Variants in CUX1 observed in about 807,000 individuals in gnomAD.
The protein encoded by CUX1 is cut like homeobox 1.
In CUX1, 31 loss-of-function variants were observed where a neutral mutation model predicts 158.8. The ratio of observed to expected loss-of-function variants is 0.20; its 90% confidence interval spans 0.15 to 0.26. CUX1 has a LOEUF of 0.26. Ranked by LOEUF, CUX1 falls within the 10% of genes least tolerant of loss-of-function variation. The probability of loss-of-function intolerance (pLI) is 1.00; values close to 1 mark genes in which losing one functional copy is unlikely to be tolerated. For synonymous variants in CUX1, 879 were observed against 862.1 expected, an observed-to-expected ratio of 1.02 and a Z score of -0.34; for missense variants, 1,589 against 2,014.6, an observed-to-expected ratio of 0.79 and a Z score of 4.04.
intron 2 of CUX1, among the ~76,000 whole-genome samples, chr7:101,995,774 G>C (rs1815779244): frequency 1.3e-5 from 2 of 152,128 alleles, no homozygotes; most frequent in African/African-American, 4.8e-5. Context: ...TAGCAGAGTG[G>C]GAAGCAGCTT....
intron 18 of CUX1, 127 bp from the exon 19 acceptor site, chr7:102,204,264 C>G (rs1795731684): frequency 2.5e-6 from 3 of 1,202,378 alleles, no homozygotes; most frequent in African/African-American, 1.5e-5. Flanking sequence ...GCCACCAGGC[C>G]GTGGTTCTGT....
In CUX1 at chr7:102,050,063, T is replaced by G. The variant is rs1449937140; in HGVS notation, c.190-20276T>G. 3.3e-5 allele frequency among the ~76,000 whole-genome samples: 5 copies of G among 152,278 alleles called. No individual in the cohort carries two copies. The South Asian group carries it at 8.3e-4, about 25-fold the overall frequency. On this transcript the variant is annotated intron_variant, in intron 3 of 23. Coordinates refer to ENST00000292535, the MANE Select transcript of CUX1 (RefSeq NM_181552.4). ...CAGACTCCCGGGGTGTAGACACTGC[T>G]TCCCTTTTCACACCGTCTCCTGAAT...
intron 1 of CUX1, among the ~76,000 whole-genome samples, chr7:101,844,262 G>A (rs1381585426): frequency 3.8e-5 from 5 of 132,962 alleles, no homozygotes; most frequent in African/African-American, 1.4e-4. Context: ...CGTTGTCCAC[G>A]GGAATAAAGT....
intron 14 of CUX1, chr7:102,273,238 T>C (rs545810820): frequency 2.8e-5 from 36 of 1,291,260 alleles, no homozygotes; most frequent in Non-Finnish European, 3.5e-5. Context: ...TGGGAGGGAA[T>C]AGCCAGCACT....
Position 102,195,562 on chromosome 7 carries a change from C to T in CUX1, c.1181C>T (p.Ser394Phe). ...CTGGAGAAGAACCGCTCGCTGCAGT[C>T]CGAGAACGCCGCGCTGCGCATCTCC... is the stretch of plus-strand genomic sequence containing the variant. ...LLLEKNRSLQ[S>F]ENAALRISNS... The change falls in exon 14 of 24, where the codon TCC (serine) becomes TTC (phenylalanine). Residue 394 changes from serine to phenylalanine, a missense_variant. Transcript: ENST00000292535. 1 of 1,612,922 alleles carries T rather than the reference C, an allele frequency of 6.2e-7. No homozygotes were observed. The highest frequency in any genetic ancestry group is 1.1e-5 in the South Asian group (1 of 90,834).
chr7:102,157,501 C>A (rs929722130), intron 8 of CUX1, among the ~76,000 whole-genome samples: 11 of 152,136 alleles, frequency 7.2e-5, no homozygotes, highest in Non-Finnish European at 1.2e-4. Flanking sequence ...CTCTCCAGGC[C>A]GGGCGCGGTG....
At position 102,280,285 on chromosome 7, in the gene CUX1, G is replaced by T. The variant is rs527683829; in HGVS notation, c.1764+165G>T. Among the ~76,000 whole-genome samples, 12 of 152,136 alleles carry T rather than the reference G, an allele frequency of 7.9e-5. No individual in the cohort carries two copies. The South Asian group carries it at 2.5e-3, about 32-fold the overall frequency. On this transcript the variant is annotated intron_variant, in intron 19 of 22. Transcript: ENST00000292538. ...CGGCCAGCCTTGCCACGCCAGCCCTGCACACCCTGGCCCCTCAGGCCAGGA... is the reference window on the plus strand; with the variant it reads ...CGGCCAGCCTTGCCACGCCAGCCCTTCACACCCTGGCCCCTCAGGCCAGGA...
intron 2 of CUX1, among the ~76,000 whole-genome samples, chr7:101,941,069 A>G (rs1207620991): frequency 6.6e-6 from 1 of 152,232 alleles, no homozygotes; most frequent in Admixed American, 6.5e-5. Flanking sequence ...TCCTTGAGGC[A>G]GGTGGCTCTT....
At chr7:101,863,301 C>T (rs965033946) in intron 1 of CUX1, among the ~76,000 whole-genome samples, 3 of 151,600 alleles carry the variant, frequency 2.0e-5, no homozygotes, top group Non-Finnish European at 2.9e-5. Flanking sequence ...TCAAGAGTCC[C>T]GCTGGGACTG....
intron 3 of CUX1, among the ~76,000 whole-genome samples, chr7:102,066,350 C>G (rs1176344557): frequency 6.6e-6 from 1 of 152,164 alleles, no homozygotes; most frequent in Non-Finnish European, 1.5e-5. Context: ...ACCTTGATCA[C>G]CTGCAGAGAC....
rs1795757824 is a variant in CUX1 at position 102,204,527 on chromosome 7, T to C, written c.3044T>C (p.Leu1015Pro). The change falls in exon 19 of 24, where the codon CTA becomes CCA. Residue 1015 changes from leucine to proline, a missense_variant. Around this residue, in one of 8 missense-constraint regions of CUX1, gnomAD observed 259 missense variants for 373.8 expected, o/e 0.69. Coordinates refer to ENST00000292535, the MANE Select transcript of CUX1 (RefSeq NM_181552.4). ...AACGGCGAGCTAGGCCAGGGTGTTC[T>C]ACCCGTCCAGGGCCAGCAGCAAGGG... Reference protein sequence around the residue: ...WLNGELGQGVLPVQGQQQGPV... With the variant: ...WLNGELGQGVPPVQGQQQGPV... The C allele has an allele frequency of 1.7e-5, 27 of 1,613,564 alleles. No individual in the cohort carries two copies. The highest frequency in any genetic ancestry group is 2.3e-5 in the Non-Finnish European group (27 of 1,180,002).
chr7:102,054,437 T>C (rs1823896632), intron 3 of CUX1, among the ~76,000 whole-genome samples: 1 of 152,188 alleles, frequency 6.6e-6, no homozygotes, highest in Admixed American at 6.5e-5. Context: ...TGAATTGTCA[T>C]GTCACTCTTG....
Position 102,257,632 on chromosome 7 carries a change from C to G in CUX1, c.*8590C>G, listed in dbSNP as rs1466055093. On this transcript the variant is annotated 3_prime_UTR_variant, in exon 24 of 24. Coordinates refer to ENST00000292535, the MANE Select transcript of CUX1 (RefSeq NM_181552.4). ...AGAGCGGGTAGCACCACGCTCCTGT[C>G]CAGACTACTAACAGCACAAGACGCA... The G allele has an allele frequency of 5.1e-6, 5 of 985,414 alleles. No homozygotes were observed. The East Asian group carries it at 5.7e-4, about 112-fold the overall frequency. 61.0% of individuals were successfully genotyped at this position (985,414 alleles called of 1,614,324 possible).
intron 18 of CUX1, among the ~76,000 whole-genome samples, chr7:102,202,628 C>T (rs1224075754): frequency 1.3e-5 from 2 of 152,146 alleles, no homozygotes; most frequent in Non-Finnish European, 1.5e-5. Context: ...AAAAAAATCC[C>T]ATCTGATCAC....
At chr7:101,816,159 CG>C, upstream of CUX1, 1 of 903,176 alleles carries the variant, frequency 1.1e-6, no homozygotes, top group African/African-American at 1.9e-5. Context: ...CGGCCTCCGC[CG>C]GGGGCCCCGG....
chr7:101,871,587 A>T (rs1418829816), intron 1 of CUX1, among the ~76,000 whole-genome samples: 1 of 152,066 alleles, frequency 6.6e-6, no homozygotes, highest in Non-Finnish European at 1.5e-5. Flanking sequence ...ATTCCATGGG[A>T]GTGCAAGAGC....
chr7:102,128,417 G>C (rs1047300078), intron 8 of CUX1, among the ~76,000 whole-genome samples: 1 of 151,750 alleles, frequency 6.6e-6, no homozygotes, highest in Non-Finnish European at 1.5e-5. Flanking sequence ...CAGGCAGGAC[G>C]GAGGAGCTGG....
intron 8 of CUX1, among the ~76,000 whole-genome samples, chr7:102,129,029 G>T (rs1172447543): frequency 1.3e-5 from 2 of 151,954 alleles, no homozygotes; most frequent in Non-Finnish European, 2.9e-5. Flanking sequence ...CCTCTATAAA[G>T]GGTGGCTGAC....
At chr7:102,158,037 TCTC>T (rs1409454710) in intron 8 of CUX1, among the ~76,000 whole-genome samples, 8 of 152,092 alleles carry the variant, frequency 5.3e-5, no homozygotes, top group African/African-American at 1.7e-4. Context: ...TTGGCCACCT[TCTC>T]CTGGTTTCCT....
Sources: allele counts gnomAD v4.1 joint callset (sites outside exome capture counted in the v4.1 genomes callset), GRCh38; gene constraint gnomAD v4.1.1; regional missense constraint gnomAD v4.1.1; transcripts MANE v1.5; gene names NCBI Gene and HGNC (gene_info 2026-07-23, HGNC 2026-07-21).